PES1: variants seen among roughly 807,000 people sequenced by gnomAD.
PES1 encodes the protein pescadillo ribosomal biogenesis factor 1, also known as pescadillo homolog.
PES1 carries 31 observed loss-of-function variants against 77.1 expected under a neutral mutation model. The ratio of observed to expected loss-of-function variants is 0.40; its 90% CI spans 0.30 to 0.54. The LOEUF (loss-of-function observed/expected upper bound fraction) is 0.54, where lower values mean the gene tolerates loss of function less well. Among genes scored for constraint, PES1 ranks in the 20% least tolerant of loss-of-function variants. The pLI is 0.45. For missense variants in PES1, 658 were observed against 771.7 expected, an observed-to-expected ratio of 0.85 and a Z score of 1.75; for synonymous variants, 282 against 303.0, an observed-to-expected ratio of 0.93 and a Z score of 0.72.
At chr22:30,598,778 C>T (rs954221423) in intron 2 of PES1, among the ~76,000 whole-genome samples, 1 of 147,716 alleles carries the variant, frequency 6.8e-6, no homozygotes, top group African/African-American at 2.5e-5. Flanking sequence ...GATGTGTTTA[C>T]ATATGTTGTA....
chr22:30,588,225 A>C, intron 2 of PES1, 51 bp from the exon 3 acceptor site: 2 of 1,610,656 alleles, frequency 1.2e-6, no homozygotes, highest in East Asian at 4.5e-5. Flanking sequence ...AAAGGTGGGG[A>C]GCACTGGCCA....
intron 1 of PES1, among the ~76,000 whole-genome samples, chr22:30,605,819 G>A (rs1357261808): frequency 6.6e-6 from 1 of 152,194 alleles, no homozygotes; most frequent in African/African-American, 2.4e-5. Flanking sequence ...TATGTCAAGG[G>A]CTTGGTTTGT....
At chr22:30,581,150 T>C (rs1327925619) in intron 8 of PES1, 49 bp from the exon 9 acceptor site, 3 of 1,510,776 alleles carry the variant, frequency 2.0e-6, no homozygotes, top group African/African-American at 2.7e-5. Flanking sequence ...CATGCGGGCA[T>C]GTGGCCAGGG....
chr22:30,599,018 C>T (rs1223373671), intron 2 of PES1, among the ~76,000 whole-genome samples: 3 of 146,840 alleles, frequency 2.0e-5, no homozygotes, highest in African/African-American at 5.0e-5. Context: ...CTATCTCAGC[C>T]TCCTGAGTAG....
At chr22:30,585,491 G>A in intron 4 of PES1, 1 of 310,610 alleles carries the variant, frequency 3.2e-6, no homozygotes, top group Non-Finnish European at 6.7e-6. Context: ...GGCTCTTGCA[G>A]CTCCCTAGAA....
chr22:30,595,856 AG>A (rs1293170796), upstream of PES1, among the ~76,000 whole-genome samples: 1 of 152,092 alleles, frequency 6.6e-6, no homozygotes, highest in Admixed American at 6.5e-5. Context: ...AGATTTTGTG[AG>A]GGTGCTTATG....
At chr22:30,601,130 A>G (rs1173571391) in intron 2 of PES1, among the ~76,000 whole-genome samples, 10 of 152,144 alleles carry the variant, frequency 6.6e-5, no homozygotes, top group Admixed American at 6.5e-4. Context: ...GCATTCTGCT[A>G]CTGACAAGGA....
At chr22:30,606,343 G>T (rs2087442016) in intron 1 of PES1, among the ~76,000 whole-genome samples, 1 of 152,132 alleles carries the variant, frequency 6.6e-6, no homozygotes, top group Admixed American at 6.5e-5. Context: ...CGATCCTCCT[G>T]CCTCAGCCCC....
At chr22:30,603,859 C>G (rs1206770673) in intron 2 of PES1, 1 of 152,118 alleles carries the variant, frequency 6.6e-6, no homozygotes, top group Admixed American at 6.6e-5. Flanking sequence ...CCTAAAACCA[C>G]CAGAAACAAA....
At chr22:30,597,804 A>G (rs9621042) in intron 2 of PES1, among the ~76,000 whole-genome samples, 10,483 of 151,826 alleles carry the variant, frequency 0.069, 404 homozygotes, top group African/African-American at 0.089. Flanking sequence ...GGGTGGGGCC[A>G]GATAAGAGAA....
intron 6 of PES1, 183 bp downstream of exon 6, chr22:30,584,182 T>C: frequency 3.3e-6 from 2 of 614,660 alleles, no homozygotes; most frequent in Non-Finnish European, 2.9e-6. Flanking sequence ...GCCATAGGGC[T>C]AGCTTAGGCT....
At position 30,578,792 on chromosome 22, in the gene PES1, G is replaced by T. The variant is rs200525859; in HGVS notation, c.1683+45C>A. The T allele has an allele frequency of 3.4e-4, 543 of 1,604,052 alleles. 1 individual carries two copies. The highest frequency in any genetic ancestry group is 2.7e-3 in the Middle Eastern group (12 of 4,412). On this transcript the variant is annotated intron_variant, in intron 14 of 14. Transcript: ENST00000354694. ...CACATAAGTTCACCTGTGCAGTTGG[G>T]TCTGGTGGCCACACCTGGATCTCAA...
chr22:30,603,835 C>A (rs1431515822), intron 2 of PES1: 2 of 152,040 alleles, frequency 1.3e-5, no homozygotes, highest in Non-Finnish European at 2.9e-5. Context: ...TTAGGCTAGT[C>A]CTCGCCAAGT....
chr22:30,605,795 T>C (rs1031493719), intron 1 of PES1, among the ~76,000 whole-genome samples: 4 of 152,212 alleles, frequency 2.6e-5, no homozygotes, highest in African/African-American at 9.6e-5. Flanking sequence ...CAGACACACG[T>C]TGCTGTATTT....
At chr22:30,580,534 G>A (rs111340628) in intron 10 of PES1, 37 bp downstream of exon 10, 20,913 of 1,611,618 alleles carry the variant, frequency 0.013, 219 homozygotes, top group Admixed American at 0.033. Flanking sequence ...GAGCATGGCC[G>A]AACCAATGCT....
intron 2 of PES1, among the ~76,000 whole-genome samples, chr22:30,601,193 T>C (rs2087349534): frequency 6.6e-6 from 1 of 152,250 alleles, no homozygotes; most frequent in African/African-American, 2.4e-5. Context: ...CATCTCTTCA[T>C]GGATGAATGA....
At position 30,606,771 on chromosome 22, in the gene PES1, G is replaced by A. The variant is rs77258224; in HGVS notation, c.-718+38C>T. On this transcript the variant is annotated intron_variant, in intron 1 of 16. Coordinates refer to the PES1 transcript ENST00000402281. Reference sequence around the variant, plus strand: ...CCCTCCCGCCACAACTGAGGGAGGCGGTGCTGAAAAACAGCTGACTCCAGC... The same window carrying A: ...CCCTCCCGCCACAACTGAGGGAGGCAGTGCTGAAAAACAGCTGACTCCAGC... The A allele has an allele frequency of 1.5e-3, 1,304 of 879,756 alleles. 34 individuals are homozygous for A. In the Admixed American group the frequency reaches 0.047, roughly 32 times the overall value. 54.5% of individuals were successfully genotyped at this position (879,756 alleles called of 1,614,324 possible).
At chr22:30,605,428 G>C (rs1463184425) in intron 2 of PES1, 4 of 984,822 alleles carry the variant, frequency 4.1e-6, no homozygotes, top group Non-Finnish European at 4.8e-6. Flanking sequence ...GGGATCAGAA[G>C]TGACTCTCTG....
chr22:30,582,707 G>A (rs2146464755), intron 6 of PES1, among the ~76,000 whole-genome samples: 1 of 152,300 alleles, frequency 6.6e-6, no homozygotes, highest in South Asian at 2.1e-4. Flanking sequence ...ACAGTGACCT[G>A]TGCTGTGAGA....
Sources: allele counts gnomAD v4.1 joint callset (sites outside exome capture counted in the v4.1 genomes callset), GRCh38; gene constraint gnomAD v4.1.1; transcripts MANE v1.5; gene names NCBI Gene and HGNC (gene_info 2026-07-23, HGNC 2026-07-21).